MYO10: variants seen among roughly 807,000 people sequenced by gnomAD.
MYO10 encodes unconventional myosin-X.
Under a neutral mutation model 257.3 loss-of-function variants are expected in MYO10, and 133 were observed. That is an observed-to-expected ratio of 0.52 (90% CI 0.45 to 0.60). MYO10 has a LOEUF of 0.60. MYO10 is among the 20% of genes least tolerant of loss of function. The probability of loss-of-function intolerance (pLI) is 0.00; values close to 1 mark genes in which losing one functional copy is unlikely to be tolerated. For missense variants in MYO10, 2,399 were observed against 2,635.7 expected (o/e 0.91, Z 1.97); for synonymous variants, 1,104 against 1,028.6 (o/e 1.07, Z -1.40).
rs1347722487 is a variant in MYO10 at position 16,711,296 on chromosome 5, C to T, written c.1930-51G>A. 20 of 1,562,038 alleles carry T rather than the reference C, an allele frequency of 1.3e-5. No homozygotes were observed. The South Asian group carries it at 1.4e-4, about 11-fold the overall frequency. ...GGATACCATTAGAAAAAATGGAATTCGATAAGGGAGGCTTAATAAAGCCAC... is the reference window on the plus strand; with the variant it reads ...GGATACCATTAGAAAAAATGGAATTTGATAAGGGAGGCTTAATAAAGCCAC... On this transcript the variant is annotated intron_variant, in intron 19 of 40. Coordinates refer to ENST00000513610, the MANE Select transcript of MYO10 (RefSeq NM_012334.3).
At chr5:16,891,326 AGG>A in intron 1 of MYO10, among the ~76,000 whole-genome samples, 1 of 32,142 alleles carries the variant, frequency 3.1e-5, no homozygotes, top group African/African-American at 1.5e-4. Flanking sequence ...GAGAAAAGGA[AGG>A]AAGGAAGGAA....
At chr5:16,757,750 G>C (rs1740577968) in intron 18 of MYO10, among the ~76,000 whole-genome samples, 1 of 152,106 alleles carries the variant, frequency 6.6e-6, no homozygotes, top group Admixed American at 6.6e-5. Flanking sequence ...CTGCAATCTT[G>C]ATCTCCCAGG....
rs1406228507 is a variant in MYO10 at position 16,794,696 on chromosome 5, C to CT, written c.416dup (p.Cys140ValfsTer19). 6.2e-7 allele frequency: 1 copy of CT among 1,613,466 alleles called. No homozygotes were observed. The highest frequency in any genetic ancestry group is 1.3e-5 in the African/African-American group (1 of 74,942). On this transcript the variant is annotated frameshift_variant, in exon 4 of 41. Coordinates refer to ENST00000513610, the MANE Select transcript of MYO10 (RefSeq NM_012334.3). LOFTEE classifies it high-confidence loss of function. Reference sequence around the variant, plus strand: ...GGCGCTTCCACAGGCAGCGGTAGCACTCGTTGGCGATGGCGAAGATGTGCG... The same window carrying CT: ...GGCGCTTCCACAGGCAGCGGTAGCACTTCGTTGGCGATGGCGAAGATGTGCG...
At position 16,701,913 on chromosome 5, in the gene MYO10, G is replaced by A; in HGVS notation, c.2557-75C>T. 2 of 1,483,920 alleles carry A rather than the reference G, an allele frequency of 1.3e-6. No individual in the cohort carries two copies. Among genetic ancestry groups the A allele is most frequent in the Non-Finnish European group, 1.8e-6 (2 of 1,111,262 alleles). The allele number at this position is 1,483,920 out of a possible 1,614,324, so 91.9% of individuals were successfully genotyped here. On this transcript the variant is annotated intron_variant, in intron 24 of 40. Transcript: ENST00000513610. This position sits in a 1 kb window ranked among gnomAD's most constrained non-coding sequence, Gnocchi z 8.1. ...AAGCATAGCTCCCGCTTTGCAACCAGGATGAAATATGGTCATTATGAGTTG... is the reference window on the plus strand; with the variant it reads ...AAGCATAGCTCCCGCTTTGCAACCAAGATGAAATATGGTCATTATGAGTTG...
rs1328182255 is a variant in MYO10 at position 16,663,788 on chromosome 5, T to A, written c.*2904A>T. 6.6e-6 allele frequency: 1 copy of A among 151,188 alleles called. No individual in the cohort carries two copies. Among genetic ancestry groups the A allele is most frequent in the Non-Finnish European group, 1.5e-5 (1 of 67,930 alleles). 9.4% of individuals were successfully genotyped at this position (151,188 alleles called of 1,614,324 possible). ...TATGTTGTGCTAGGTATCTGTAACCTGGAGATGATTTAAAGGGTAAGGAAA... is the reference window on the plus strand; with the variant it reads ...TATGTTGTGCTAGGTATCTGTAACCAGGAGATGATTTAAAGGGTAAGGAAA... On this transcript the variant is annotated 3_prime_UTR_variant, in exon 41 of 41. Transcript: ENST00000513610.
At chr5:16,703,578 A>G (rs1183157391) in intron 22 of MYO10, among the ~76,000 whole-genome samples, 1 of 152,188 alleles carries the variant, frequency 6.6e-6, no homozygotes, top group African/African-American at 2.4e-5. Flanking sequence ...TAAAACGCAC[A>G]TGAGGAGAAG....
intron 19 of MYO10, among the ~76,000 whole-genome samples, chr5:16,724,152 G>A (rs987249156): frequency 2.0e-5 from 3 of 152,194 alleles, no homozygotes; most frequent in African/African-American, 7.2e-5. Context: ...TAAACAGGGT[G>A]AGGGAAAAGA....
At chr5:16,690,623 T>C (rs1737456310) in intron 27 of MYO10, among the ~76,000 whole-genome samples, 1 of 151,928 alleles carries the variant, frequency 6.6e-6, no homozygotes, top group Non-Finnish European at 1.5e-5. Flanking sequence ...GGACCCTTTC[T>C]CAAATCTACA....
chr5:16,719,977 TGTG>T (rs1224678086), intron 19 of MYO10, among the ~76,000 whole-genome samples: 1 of 126,226 alleles, frequency 7.9e-6, no homozygotes, highest in Non-Finnish European at 1.6e-5. Context: ...AAGAAATAAA[TGTG>T]TGTGCGTGCG....
At chr5:16,713,715 A>T (rs982305416) in intron 19 of MYO10, among the ~76,000 whole-genome samples, 5 of 151,582 alleles carry the variant, frequency 3.3e-5, no homozygotes, top group Non-Finnish European at 5.9e-5. Flanking sequence ...GTAGATCTGG[A>T]TTTCCATTGG....
intron 19 of MYO10, among the ~76,000 whole-genome samples, chr5:16,720,220 C>A (rs996976654): frequency 4.6e-5 from 7 of 152,186 alleles, no homozygotes; most frequent in Middle Eastern, 3.4e-3. Flanking sequence ...AGAGCCCTGA[C>A]AAACAGCCCC....
intron 19 of MYO10, among the ~76,000 whole-genome samples, chr5:16,729,263 C>T (rs1304345439): frequency 2.0e-5 from 3 of 152,198 alleles, no homozygotes; most frequent in Non-Finnish European, 4.4e-5. Flanking sequence ...TCAAGTCAGA[C>T]TCAATGGATA....
At position 16,934,947 on chromosome 5, in the gene MYO10, T is replaced by C. The variant is rs185491055; in HGVS notation, c.21+841A>G. ...ATCAGACTCTCTCAAGTCAACTAAGTTTACTTTGAGCCACTTCAAACCTCA... is the reference window on the plus strand; with the variant it reads ...ATCAGACTCTCTCAAGTCAACTAAGCTTACTTTGAGCCACTTCAAACCTCA... On this transcript the variant is annotated intron_variant, in intron 1 of 40. Coordinates refer to ENST00000513610, the MANE Select transcript of MYO10 (RefSeq NM_012334.3). Among the ~76,000 whole-genome samples, 21 of 152,240 alleles carry C rather than the reference T, an allele frequency of 1.4e-4. No homozygotes were observed. In the East Asian group the frequency reaches 3.3e-3, roughly 24 times the overall value.
Position 16,935,850 on chromosome 5 carries a change from T to G in MYO10, c.-42A>C, listed in dbSNP as rs770849925. 1 of 1,610,064 alleles carries G rather than the reference T, an allele frequency of 6.2e-7. No homozygotes were observed. Among genetic ancestry groups the G allele is most frequent in the South Asian group, 1.1e-5 (1 of 90,558 alleles). ...CGGACTCGCCGAGTGCCGCTCCGAC[T>G]CGCGGAAGTCAGCGCCGCCGCGGGT... On this transcript the variant is annotated 5_prime_UTR_variant, in exon 1 of 41. Coordinates refer to ENST00000513610, the MANE Select transcript of MYO10 (RefSeq NM_012334.3).
rs557438111 is a variant in MYO10, at chr5:16,781,326, C to T, written c.727+379G>A. Among the ~76,000 whole-genome samples the T allele has an allele frequency of 8.1e-4, 124 of 152,176 alleles. 1 individual carries two copies. Among genetic ancestry groups the T allele is most frequent in the Non-Finnish European group, 1.5e-3 (104 of 68,002 alleles). On this transcript the variant is annotated intron_variant, in intron 6 of 40. Coordinates refer to ENST00000513610, the MANE Select transcript of MYO10 (RefSeq NM_012334.3). ...AACTCCTGACCTCAAGTGATCTGAC[C>T]ACCTTGGCCTCCCACAGTGCTGGGA...
intron 2 of MYO10, among the ~76,000 whole-genome samples, chr5:16,819,120 C>T (rs1330175831): frequency 6.6e-6 from 1 of 152,144 alleles, no homozygotes; most frequent in Non-Finnish European, 1.5e-5. Context: ...TCTCCTTGGA[C>T]AATATTCCCT....
At chr5:16,757,301 A>AACACACACACACACACAAAC (rs71595978) in intron 18 of MYO10, among the ~76,000 whole-genome samples, 1 of 84,348 alleles carries the variant, frequency 1.2e-5, no homozygotes, top group Non-Finnish European at 2.5e-5. Flanking sequence ...CACACACACA[A>AACACACACACACACACAAAC]ACACACACAC....
At chr5:16,730,005 A>C (rs1163224937) in intron 19 of MYO10, among the ~76,000 whole-genome samples, 1 of 152,204 alleles carries the variant, frequency 6.6e-6, no homozygotes, top group East Asian at 1.9e-4. Flanking sequence ...CTTTGGTCCC[A>C]ACCCTGATTC....
chr5:16,844,762 T>C (rs559139953), intron 2 of MYO10, among the ~76,000 whole-genome samples: 2 of 147,934 alleles, frequency 1.4e-5, no homozygotes, highest in African/African-American at 2.5e-5. Flanking sequence ...GTAGACTAGA[T>C]TATGCTCAAT....
Sources: allele counts gnomAD v4.1 joint callset (sites outside exome capture counted in the v4.1 genomes callset), GRCh38; gene constraint gnomAD v4.1.1; non-coding constraint Gnocchi (gnomAD v3.1); transcripts MANE v1.5; gene names NCBI Gene and HGNC (gene_info 2026-07-23, HGNC 2026-07-21).